Variants in MTF1 observed in about 807,000 individuals in gnomAD.
The protein encoded by MTF1 is metal regulatory transcription factor 1, also known as MRE-binding transcription factor.
A neutral mutation model predicts 70.4 loss-of-function variants in MTF1; 22 were observed. That is an observed-to-expected ratio of 0.31 (90% CI 0.22 to 0.45). The LOEUF (loss-of-function observed/expected upper bound fraction) is 0.45. MTF1 is among the 20% of genes least tolerant of loss of function. The probability of loss-of-function intolerance (pLI) is 1.00; values close to 1 mark genes in which losing one functional copy is unlikely to be tolerated. For synonymous variants in MTF1, 333 were observed against 352.8 expected, an observed-to-expected ratio of 0.94 and a Z score of 0.63; for missense variants, 649 against 922.0, an observed-to-expected ratio of 0.70 and a Z score of 3.83.
chr1:37,826,960 T>C (rs911113377), intron 7 of MTF1, among the ~76,000 whole-genome samples: 5 of 152,076 alleles, frequency 3.3e-5, no homozygotes, highest in African/African-American at 1.2e-4. Flanking sequence ...GCCTGGGTGA[T>C]GGAGCAAGAC....
intron 1 of MTF1, among the ~76,000 whole-genome samples, chr1:37,858,813 T>A (rs545849156): frequency 3.0e-4 from 45 of 152,364 alleles, no homozygotes; most frequent in African/African-American, 1.0e-3. Flanking sequence ...GAAGCTTTCA[T>A]GTTCTGGAAT....
intron 9 of MTF1, among the ~76,000 whole-genome samples, chr1:37,821,874 G>C (rs1388115344): frequency 6.6e-6 from 1 of 152,046 alleles, no homozygotes; most frequent in Non-Finnish European, 1.5e-5. Context: ...TCCAGTATCA[G>C]TAGGAATATT....
At position 37,857,512 on chromosome 1, in the gene MTF1, A is replaced by T; in HGVS notation, c.147T>A (p.Val49=). 1 of 1,614,202 alleles carries T rather than the reference A, an allele frequency of 6.2e-7. No homozygotes were observed. The highest frequency in any genetic ancestry group is 8.5e-7 in the Non-Finnish European group (1 of 1,180,036). Residue 49 remains valine, a synonymous_variant, in exon 2 of 11, where the codon GTT becomes GTA. Transcript: ENST00000373036. The part of the protein sequence containing the change: ...SSGTVYDRTT[V]LIEQDPGTLE... ...AAGTGCCAGGGTCCTGCTCAATAAG[A>T]ACAGTGGTCCTATCATAAACAGTTC...
At chr1:37,857,855 C>A (rs1641523346) in intron 1 of MTF1, 146 bp from the exon 2 acceptor site, 2 of 596,504 alleles carry the variant, frequency 3.4e-6, no homozygotes, top group Non-Finnish European at 5.8e-6. Flanking sequence ...TTTATTTTAA[C>A]TTTAAAACCA....
At chr1:37,847,824 C>T (rs76629740) in intron 2 of MTF1, among the ~76,000 whole-genome samples, 61 of 151,902 alleles carry the variant, frequency 4.0e-4, no homozygotes, top group African/African-American at 1.3e-3. Flanking sequence ...AGCAAGACCG[C>T]GACTCTCCAA....
chr1:37,818,475 C>A (rs55699901), intron 9 of MTF1, among the ~76,000 whole-genome samples: 31,332 of 151,762 alleles, frequency 0.21, 4,025 homozygotes, highest in Non-Finnish European at 0.28. Context: ...GAAGCCGAGG[C>A]GGGTGAATCA....
chr1:37,828,279 C>T, intron 7 of MTF1: 1 of 386,840 alleles, frequency 2.6e-6, no homozygotes, highest in Non-Finnish European at 5.0e-6. Flanking sequence ...GGGGGGGCCT[C>T]TGGGGTGCTG....
At chr1:37,844,254 C>G (rs766191200) in intron 2 of MTF1, among the ~76,000 whole-genome samples, 1 of 152,202 alleles carries the variant, frequency 6.6e-6, no homozygotes, top group Non-Finnish European at 1.5e-5. Context: ...CACTCTTACC[C>G]ATTTGCAAGA....
At chr1:37,856,997 TTC>T (rs1256129138) in intron 2 of MTF1, among the ~76,000 whole-genome samples, 2 of 152,202 alleles carry the variant, frequency 1.3e-5, no homozygotes, top group Non-Finnish European at 1.5e-5. Flanking sequence ...TAAGTGAAAT[TTC>T]TGTTTTATTT....
chr1:37,828,170 C>T, intron 7 of MTF1: 2 of 346,232 alleles, frequency 5.8e-6, no homozygotes, highest in Non-Finnish European at 1.1e-5. Flanking sequence ...ATCATAAAAG[C>T]ATTAAAAAAA....
Position 37,835,043 on chromosome 1 carries a change from A to G in MTF1, c.990+36T>C, listed in dbSNP as rs762574127. 2.2e-5 allele frequency: 35 copies of G among 1,608,644 alleles called. No homozygotes were observed. In the East Asian group the frequency reaches 6.7e-4, roughly 31 times the overall value. ...ATACACAAACAACTGTTGAAGTTCT[A>G]TGGTACCCAGATCAAGAGACAAAAA... On this transcript the variant is annotated intron_variant, in intron 6 of 10. Coordinates refer to ENST00000373036, the MANE Select transcript of MTF1 (RefSeq NM_005955.3).
intron 2 of MTF1, among the ~76,000 whole-genome samples, chr1:37,851,287 T>C (rs1032984892): frequency 6.6e-6 from 1 of 152,170 alleles, no homozygotes; most frequent in Non-Finnish European, 1.5e-5. Flanking sequence ...GAGAGGAAAG[T>C]GGAGTGAGCT....
intron 1 of MTF1, 25 bp from the exon 2 acceptor site, chr1:37,857,734 A>C: frequency 1.4e-6 from 2 of 1,476,664 alleles, no homozygotes; most frequent in Non-Finnish European, 9.3e-7. Context: ...AGCCAGAGTT[A>C]GAGTCATACC....
chr1:37,837,153 C>G (rs1338601533), intron 4 of MTF1, among the ~76,000 whole-genome samples: 1 of 152,146 alleles, frequency 6.6e-6, no homozygotes, highest in Non-Finnish European at 1.5e-5. Context: ...CTTGACCTCC[C>G]AGGCTCAAGC....
At chr1:37,849,818 T>A (rs1641387465) in intron 2 of MTF1, among the ~76,000 whole-genome samples, 1 of 152,020 alleles carries the variant, frequency 6.6e-6, no homozygotes. Context: ...GGCCAGAAGT[T>A]CCAGGTTACA....
At position 37,810,779 on chromosome 1, in the gene MTF1, G is replaced by A. The variant is rs1450538751; in HGVS notation, c.*4357C>T. ...GCCTGAGAATTGAAGATAAAATGGGGGAGGTGGAGTAAAGGAAGAAAGTTG... is the reference window on the plus strand; with the variant it reads ...GCCTGAGAATTGAAGATAAAATGGGAGAGGTGGAGTAAAGGAAGAAAGTTG... On this transcript the variant is annotated 3_prime_UTR_variant, in exon 11 of 11. Transcript: ENST00000373036. 6.6e-6 allele frequency: 1 copy of A among 152,188 alleles called. No homozygotes were observed. Among genetic ancestry groups the A allele is most frequent in the Non-Finnish European group, 1.5e-5 (1 of 68,044 alleles). The allele number at this position is 152,188 out of a possible 1,614,324, so 9.4% of individuals were successfully genotyped here. A position where few individuals can be genotyped will look rare whatever the true frequency, so the allele number is the denominator to read the frequency against.
In MTF1 at chr1:37,813,035, C is replaced by G. The variant is rs555865251; in HGVS notation, c.*2101G>C. On this transcript the variant is annotated 3_prime_UTR_variant, in exon 11 of 11. Transcript: ENST00000373036. ...GTGGCTCACACCTGTAATCCCAGCACTTTGGGAGACTGAGGCGGGAGGATC... is the reference window on the plus strand; with the variant it reads ...GTGGCTCACACCTGTAATCCCAGCAGTTTGGGAGACTGAGGCGGGAGGATC... The G allele has an allele frequency of 6.6e-6, 1 of 152,408 alleles. No individual in the cohort carries two copies. The highest frequency in any genetic ancestry group is 2.1e-4 in the South Asian group (1 of 4,824). The allele number at this position is 152,408 out of a possible 1,614,324, so 9.4% of individuals were successfully genotyped here.
intron 2 of MTF1, among the ~76,000 whole-genome samples, chr1:37,843,042 A>C (rs970132488): frequency 1.3e-5 from 2 of 152,180 alleles, no homozygotes; most frequent in Non-Finnish European, 2.9e-5. Flanking sequence ...TTTTTAAGAG[A>C]CAGGGTCTTT....
At chr1:37,847,677 G>A (rs958301766) in intron 2 of MTF1, among the ~76,000 whole-genome samples, 1 of 152,226 alleles carries the variant, frequency 6.6e-6, no homozygotes, top group Non-Finnish European at 1.5e-5. Flanking sequence ...GGGGACTACA[G>A]ACAGGTTCTC....
Sources: gnomAD v4.1 joint callset for allele counts (sites outside exome capture counted in the v4.1 genomes callset) on GRCh38, gnomAD v4.1.1 for gene constraint, MANE v1.5 for transcripts, NCBI Gene and HGNC (gene_info 2026-07-23, HGNC 2026-07-21) for gene names.